MED15: variants seen among roughly 807,000 people sequenced by gnomAD.
MED15 encodes mediator of RNA polymerase II transcription subunit 15.
Under a neutral mutation model 118.7 loss-of-function variants are expected in MED15, and 41 were observed. The ratio of observed to expected loss-of-function variants is 0.35; its 90% CI spans 0.27 to 0.45. The LOEUF (loss-of-function observed/expected upper bound fraction) is 0.45, where lower values mean the gene tolerates loss of function less well. MED15 is among the 20% of genes least tolerant of loss of function. The pLI, the probability that MED15 is intolerant of heterozygous loss-of-function variation, is 1.00. For missense variants in MED15, 740 were observed against 1,025.5 expected (o/e 0.72, Z 3.80); for synonymous variants, 436 against 413.9 (o/e 1.05, Z -0.65).
In MED15 at chr22:20,568,527, G is replaced by A. The variant is rs1279691970; in HGVS notation, c.1048G>A (p.Ala350Thr). 13 of 1,613,598 alleles carry A rather than the reference G, an allele frequency of 8.1e-6. No homozygotes were observed. The highest frequency in any genetic ancestry group is 1.3e-5 in the African/African-American group (1 of 74,906). ...YTQPPLKFVR[A>T]PMVVQQPPVQ... is the part of the protein sequence containing the mutation. ...TCTCTCTTTCTCCCTCAAGGTCCGA[G>A]CTCCGATGGTGGTGCAGCAGCCCCC... is the stretch of plus-strand genomic sequence containing the variant. The change falls in exon 8 of 18, where the codon GCT (alanine) becomes ACT (threonine). Residue 350 changes from alanine (A) to threonine (T), a missense_variant. Physicochemically the swap from Ala to Thr is moderately conservative, Grantham distance 58 (BLOSUM62 0). Around this residue, in one of 7 missense-constraint regions of MED15, gnomAD observed 384 missense variants for 506.3 expected, o/e 0.76. Coordinates refer to ENST00000263205, the MANE Select transcript of MED15 (RefSeq NM_001003891.3).
In MED15 at chr22:20,521,732, T is replaced by TTATG. The variant is rs1555923225; in HGVS notation, c.68+13990_68+13993dup. On this transcript the variant is annotated intron_variant, in intron 1 of 17. Transcript: ENST00000263205. ...TTTATTTATTTATTTATTTATTTAT[T>TTATG]TATGTATTTCTGAGACAGAGTCTTT... Among the ~76,000 whole-genome samples, 35 of 132,670 alleles carry TTATG rather than the reference T, an allele frequency of 2.6e-4. No homozygotes were observed. In the East Asian group the frequency reaches 4.1e-3, roughly 16 times the overall value. The allele number at this position is 132,670 out of a possible 152,430, so 87.0% of individuals were successfully genotyped here.
At chr22:20,534,395 C>T (rs1276024784) in intron 1 of MED15, among the ~76,000 whole-genome samples, 2 of 152,252 alleles carry the variant, frequency 1.3e-5, no homozygotes, top group East Asian at 3.9e-4. Context: ...CGTGGTGGCG[C>T]ATGCCTGTAG....
intron 9 of MED15, among the ~76,000 whole-genome samples, chr22:20,576,985 CAA>C (rs2056842180): frequency 6.6e-6 from 1 of 152,200 alleles, no homozygotes; most frequent in Non-Finnish European, 1.5e-5. Flanking sequence ...TTTATAAACA[CAA>C]AAAGTCCCCA....
At chr22:20,568,658 A>T (rs778664392) in intron 8 of MED15, 27 bp downstream of exon 8, 1 of 1,607,370 alleles carries the variant, frequency 6.2e-7, no homozygotes, top group South Asian at 1.1e-5. Flanking sequence ...GGAGGGCTCC[A>T]TAGTCATCAG....
chr22:20,585,768 T>G lies in MED15; in HGVS notation c.2172T>G (p.Ser724Arg). ...DLPSVPPLEL[S>R]VPADYPAQSP... ...CAAGTGTGCCACCACTGGAGCTCAGTGTGCCCGCTGACTATCCTGCCCAAA... is the reference window on the plus strand; with the variant it reads ...CAAGTGTGCCACCACTGGAGCTCAGGGTGCCCGCTGACTATCCTGCCCAAA... The change falls in exon 17 of 18, where the codon AGT (serine) becomes AGG (arginine). Residue 724 changes from serine to arginine, a missense_variant. Transcript: ENST00000263205. 1 of 1,613,458 alleles carries G rather than the reference T, an allele frequency of 6.2e-7. No individual in the cohort carries two copies. The highest frequency in any genetic ancestry group is 8.5e-7 in the Non-Finnish European group (1 of 1,179,984).
chr22:20,568,681 C>A, intron 8 of MED15, 50 bp downstream of exon 8: 1 of 1,592,010 alleles, frequency 6.3e-7, no homozygotes, highest in Middle Eastern at 1.7e-4. Flanking sequence ...GGTGCATGTT[C>A]ACCTGCGCAT....
intron 2 of MED15, among the ~76,000 whole-genome samples, chr22:20,549,828 T>C (rs1427402372): frequency 2.0e-5 from 3 of 152,164 alleles, no homozygotes; most frequent in Non-Finnish European, 4.4e-5. Flanking sequence ...TGCAGGATGA[T>C]GATGCCTGCC....
chr22:20,584,470 A>G, intron 14 of MED15, 45 bp downstream of exon 14: 2 of 1,600,112 alleles, frequency 1.2e-6, no homozygotes, highest in Non-Finnish European at 8.6e-7. Flanking sequence ...GGGCTCTCCT[A>G]AGAGCTCCTG....
chr22:20,509,624 C>T lies in MED15; in HGVS notation c.68+1878C>T, dbSNP rs73879391. On this transcript the variant is annotated intron_variant, in intron 1 of 17. Transcript: ENST00000263205. ...TGAAGCATTGTGGAAGGAAGGAAGCCGGGCTGAATGCTGGGAAACCTTTCA... is the reference window on the plus strand; with the variant it reads ...TGAAGCATTGTGGAAGGAAGGAAGCTGGGCTGAATGCTGGGAAACCTTTCA... 5.9e-3 allele frequency among the ~76,000 whole-genome samples: 900 copies of T among 152,084 alleles called. 9 individuals carry two copies. The highest frequency in any genetic ancestry group is 0.02 in the African/African-American group (847 of 41,492).
rs1234013666 is a variant in MED15, at chr22:20,586,659, C to A, written c.2322C>A (p.Asn774Lys). The change falls in exon 18 of 18, where the codon AAC becomes AAA. Residue 774 changes from asparagine to lysine, a missense_variant. Transcript: ENST00000263205. ...AGCACTCGGTCACCGCCTTGCTCAA[C>A]ACCTGGGCCCAGAGCGTCCACCAGG... ...PDKHSVTALLNTWAQSVHQAC... is the reference protein window; with the variant it reads ...PDKHSVTALLKTWAQSVHQAC... 2 of 1,612,852 alleles carry A rather than the reference C, an allele frequency of 1.2e-6. No homozygotes were observed. The highest frequency in any genetic ancestry group is 8.5e-7 in the Non-Finnish European group (1 of 1,179,988).
intron 1 of MED15, chr22:20,523,770 T>G: frequency 1.0e-6 from 1 of 985,408 alleles, no homozygotes; most frequent in South Asian, 4.7e-5. Context: ...ACCAACAGAT[T>G]GGAGTATGTG....
intron 5 of MED15, among the ~76,000 whole-genome samples, chr22:20,557,251 C>G (rs2056052017): frequency 6.6e-6 from 1 of 152,170 alleles, no homozygotes; most frequent in African/African-American, 2.4e-5. Context: ...CCTCACACTC[C>G]TACCCTATCC....
At position 20,582,697 on chromosome 22, in the gene MED15, G is replaced by T; in HGVS notation, c.1359G>T (p.Gln453His). The change falls in exon 10 of 18, where the codon CAG becomes CAT. Residue 453 changes from glutamine (Q) to histidine (H), a missense_variant. Transcript: ENST00000263205. ...CGCAGTCGATGCCCCCTCCCCCCCA[G>T]CCGTCCCCGCAGCCCGGCCAGCCCA... The part of the protein sequence containing the change: ...QTPQSMPPPP[Q>H]PSPQPGQPSS... The T allele has an allele frequency of 6.7e-7, 1 of 1,486,214 alleles. No individual in the cohort carries two copies. 92.1% of individuals were successfully genotyped at this position (1,486,214 alleles called of 1,614,324 possible). A position where few individuals can be genotyped will look rare whatever the true frequency, so the allele number is the denominator to read the frequency against.
chr22:20,559,470 G>A (rs177421), intron 5 of MED15, among the ~76,000 whole-genome samples: 82,091 of 151,968 alleles, frequency 0.54, 23,906 homozygotes, highest in African/African-American at 0.77. Context: ...GCAAAGCCCC[G>A]GAAGGATCAA....
rs566791881 is a variant in MED15, at chr22:20,508,881, C to A, written c.68+1135C>A. On this transcript the variant is annotated intron_variant, in intron 1 of 17. Transcript: ENST00000263205. ...CGTGTTGTGCTCGCCACAGATTTGC[C>A]TGAGACACAGCCCCTTTCCTGAGGG... Among the ~76,000 whole-genome samples, 9 of 152,308 alleles carry A rather than the reference C, an allele frequency of 5.9e-5. No individual in the cohort carries two copies. The South Asian group carries it at 1.9e-3, about 32-fold the overall frequency.
intron 1 of MED15, among the ~76,000 whole-genome samples, chr22:20,511,399 G>A (rs945386337): frequency 6.6e-6 from 1 of 151,854 alleles, no homozygotes; most frequent in African/African-American, 2.4e-5. Context: ...GGCTGAGGTG[G>A]GGGGATCGCT....
intron 1 of MED15, among the ~76,000 whole-genome samples, chr22:20,535,800 C>T (rs534041706): frequency 6.6e-6 from 1 of 151,480 alleles, no homozygotes; most frequent in African/African-American, 2.4e-5. Context: ...ACCTCGTGAT[C>T]TGCCCGCCTT....
chr22:20,527,406 G>T (rs1601481025), intron 1 of MED15, among the ~76,000 whole-genome samples: 1 of 151,574 alleles, frequency 6.6e-6, no homozygotes, highest in East Asian at 1.9e-4. Context: ...CCTGTTAAAT[G>T]GATACAATGT....
chr22:20,569,570 T>A (rs915836613), intron 8 of MED15, among the ~76,000 whole-genome samples: 1 of 152,026 alleles, frequency 6.6e-6, no homozygotes, highest in Admixed American at 6.6e-5. Context: ...ATCTCACGCT[T>A]GGGGGGTGCT....
Sources: gnomAD v4.1 joint callset for allele counts (sites outside exome capture counted in the v4.1 genomes callset) on GRCh38, gnomAD v4.1.1 for gene constraint, gnomAD v4.1.1 regional missense constraint, MANE v1.5 for transcripts, NCBI Gene and HGNC (gene_info 2026-07-23, HGNC 2026-07-21) for gene names.